Variants in PKD2L2 observed in about 807,000 individuals in gnomAD.
The protein encoded by PKD2L2 is polycystin-2-like protein 2.
PKD2L2 carries 67 observed loss-of-function variants against 83.9 expected under a neutral mutation model. That is an observed-to-expected ratio of 0.80 (90% confidence interval 0.66 to 0.98). The LOEUF is 0.98. Ranked by LOEUF, PKD2L2 falls within the 50% of genes least tolerant of loss-of-function variation. The pLI is 0.00. For synonymous variants in PKD2L2, 223 were observed against 237.8 expected (o/e 0.94, Z 0.57); for missense variants, 632 against 717.2 (o/e 0.88, Z 1.36).
intron 14 of PKD2L2, chr5:137,941,837 C>T (rs769824481): frequency 2.5e-5 from 23 of 908,700 alleles, no homozygotes; most frequent in Non-Finnish European, 3.4e-5. Context: ...TCAGTGCTAG[C>T]ATCCTATATG....
At chr5:137,902,676 T>C (rs756957766) in intron 5 of PKD2L2, among the ~76,000 whole-genome samples, 12 of 152,142 alleles carry the variant, frequency 7.9e-5, no homozygotes, top group Non-Finnish European at 1.3e-4. Flanking sequence ...TTTTTTTTTC[T>C]CTTTGGTTGG....
Position 137,925,112 on chromosome 5 carries a change from G to T in PKD2L2, c.1616+8G>T, listed in dbSNP as rs767362301. On this transcript the variant is annotated splice_region_variant and intron_variant, in intron 11 of 14. Coordinates refer to ENST00000508883, the MANE Select transcript of PKD2L2 (RefSeq NM_001300921.2). Reference sequence around the variant, plus strand: ...AGATGAAGACAAGAAAACGTAAGATGACTTCTCTCAAATGTTTAACTTACC... The same window carrying T: ...AGATGAAGACAAGAAAACGTAAGATTACTTCTCTCAAATGTTTAACTTACC... 6.5e-7 allele frequency: 1 copy of T among 1,537,930 alleles called. No individual in the cohort carries two copies. The highest frequency in any genetic ancestry group is 9.0e-7 in the Non-Finnish European group (1 of 1,111,432).
At chr5:137,940,079 G>T in intron 14 of PKD2L2, 3 of 1,614,066 alleles carry the variant, frequency 1.9e-6, no homozygotes, top group South Asian at 2.2e-5. Context: ...CCCATCATTT[G>T]TTTTGTTTAG....
chr5:137,890,193 G>T, intron 1 of PKD2L2: 1 of 230,300 alleles, frequency 4.3e-6, no homozygotes, highest in Non-Finnish European at 8.3e-6. Context: ...TGAGGCAGGA[G>T]AATCGCTTGA....
chr5:137,890,239 C>T (rs1231226861), intron 1 of PKD2L2: 2 of 315,666 alleles, frequency 6.3e-6, no homozygotes, highest in Non-Finnish European at 1.1e-5. Context: ...GACGAGATCG[C>T]GTCACTGAAC....
chr5:137,911,254 C>T (rs973025521), intron 8 of PKD2L2, among the ~76,000 whole-genome samples: 2 of 152,186 alleles, frequency 1.3e-5, no homozygotes, highest in Admixed American at 6.5e-5. Context: ...CTTCACTTAG[C>T]ACAAATGCCC....
chr5:137,906,634 T>G (rs1757389708), intron 6 of PKD2L2, among the ~76,000 whole-genome samples, 200 bp downstream of exon 6: 1 of 152,164 alleles, frequency 6.6e-6, no homozygotes, highest in African/African-American at 2.4e-5. Flanking sequence ...ATTTGGTCCT[T>G]GGGAGGGTCA....
At chr5:137,938,136 A>G (rs1036463620) in intron 14 of PKD2L2, 1 of 152,512 alleles carries the variant, frequency 6.6e-6, no homozygotes, top group Non-Finnish European at 1.5e-5. Context: ...CTACTGCTCA[A>G]CTATGACACA....
At chr5:137,896,212 T>A (rs1422455313) in intron 4 of PKD2L2, among the ~76,000 whole-genome samples, 1 of 151,978 alleles carries the variant, frequency 6.6e-6, no homozygotes, top group East Asian at 1.9e-4. Context: ...AGAATAGACA[T>A]TTTTTGTAAT....
At chr5:137,902,713 CATATA>C (rs1430212590) in intron 5 of PKD2L2, among the ~76,000 whole-genome samples, 3 of 152,058 alleles carry the variant, frequency 2.0e-5, no homozygotes, top group Non-Finnish European at 4.4e-5. Flanking sequence ...ACATCAATGA[CATATA>C]ATCACAGTTG....
chr5:137,896,116 G>T (rs1702901911), intron 4 of PKD2L2, among the ~76,000 whole-genome samples: 1 of 151,252 alleles, frequency 6.6e-6, no homozygotes, highest in South Asian at 2.1e-4. Flanking sequence ...GGCACAGGTT[G>T]CATTGAGCCA....
At chr5:137,941,898 T>G in intron 14 of PKD2L2, 3 of 1,439,448 alleles carry the variant, frequency 2.1e-6, no homozygotes, top group Non-Finnish European at 2.9e-6. Flanking sequence ...GGTCAGTTTG[T>G]GAGTTAGAGA....
chr5:137,930,125 A>G (rs1159204738), intron 12 of PKD2L2, among the ~76,000 whole-genome samples: 1 of 152,194 alleles, frequency 6.6e-6, no homozygotes, highest in Non-Finnish European at 1.5e-5. Context: ...CCAAAACAAT[A>G]TAATAAATAA....
chr5:137,921,361 A>AG (rs1365049501), intron 8 of PKD2L2, among the ~76,000 whole-genome samples: 2 of 69,206 alleles, frequency 2.9e-5, no homozygotes, highest in African/African-American at 1.1e-4. Flanking sequence ...ACTGTCTCAA[A>AG]GAAAAAAAAA....
chr5:137,892,831 G>C (rs965472201), intron 3 of PKD2L2, among the ~76,000 whole-genome samples: 1 of 152,150 alleles, frequency 6.6e-6, no homozygotes, highest in Non-Finnish European at 1.5e-5. Flanking sequence ...TTTTTGGCCA[G>C]GCACGGTGGC....
Position 137,892,501 on chromosome 5 carries a change from C to T in PKD2L2, c.155C>T (p.Pro52Leu), listed in dbSNP as rs1399440513. The T allele has an allele frequency of 1.9e-6, 3 of 1,572,336 alleles. No individual in the cohort carries two copies. Among genetic ancestry groups the T allele is most frequent in the Non-Finnish European group, 8.7e-7 (1 of 1,155,676 alleles). ...TTAGTGACTTTTGGGATGGTAAACC[C>T]ACATATGTATTACTTAAACAAGGTT... ...LCILTFGMVN[P>L]HMYYLNKVMS... is the part of the protein sequence containing the mutation. Residue 52 changes from proline to leucine, a missense_variant, in exon 3 of 15, where the codon CCA (proline) becomes CTA (leucine). Coordinates refer to ENST00000508883, the MANE Select transcript of PKD2L2 (RefSeq NM_001300921.2).
intron 11 of PKD2L2, 62 bp downstream of exon 11, chr5:137,925,166 C>A: frequency 2.0e-6 from 2 of 1,025,118 alleles, no homozygotes; most frequent in Non-Finnish European, 3.0e-6. Flanking sequence ...ATATGAGAAC[C>A]TTATAAGGTT....
intron 8 of PKD2L2, among the ~76,000 whole-genome samples, chr5:137,913,749 T>C (rs1397339773): frequency 6.6e-6 from 1 of 152,042 alleles, no homozygotes; most frequent in African/African-American, 2.4e-5. Flanking sequence ...GGTCTCACTA[T>C]GTTGTTCAGG....
At chr5:137,930,102 C>G (rs1224211373) in intron 12 of PKD2L2, among the ~76,000 whole-genome samples, 3 of 151,902 alleles carry the variant, frequency 2.0e-5, no homozygotes, top group Admixed American at 6.6e-5. Flanking sequence ...GAAAAACAAA[C>G]GGATTAAAAA....
Sources: allele counts gnomAD v4.1 joint callset (sites outside exome capture counted in the v4.1 genomes callset), GRCh38; gene constraint gnomAD v4.1.1; transcripts MANE v1.5; gene names NCBI Gene and HGNC (gene_info 2026-07-23, HGNC 2026-07-21).